The following VWA3B variants were observed in gnomAD, a reference collection of about 807,000 sequenced individuals.
The protein encoded by VWA3B is von Willebrand factor A domain-containing protein 3B.
VWA3B carries 138 observed loss-of-function variants against 158.3 expected under a neutral mutation model. The ratio of observed to expected loss-of-function variants is 0.87; its 90% CI spans 0.76 to 1.00. The LOEUF (loss-of-function observed/expected upper bound fraction) is 1.00. VWA3B is among the 50% of genes least tolerant of loss of function. The pLI is 0.00. For synonymous variants in VWA3B, 596 were observed against 587.3 expected, an observed-to-expected ratio of 1.01 and a Z score of -0.21; for missense variants, 1,555 against 1,565.1, an observed-to-expected ratio of 0.99 and a Z score of 0.11.
intron 8 of VWA3B, among the ~76,000 whole-genome samples, chr2:98,167,685 G>T (rs979026844): frequency 2.0e-5 from 3 of 152,194 alleles, no homozygotes; most frequent in Non-Finnish European, 4.4e-5. Context: ...TCCCCCTCAA[G>T]AATTCATTTG....
At chr2:98,129,768 A>G (rs1267260675) in intron 6 of VWA3B, among the ~76,000 whole-genome samples, 2 of 152,198 alleles carry the variant, frequency 1.3e-5, no homozygotes, top group African/African-American at 2.4e-5. Context: ...TGTGGTTACA[A>G]GGAGAATTAT....
intron 7 of VWA3B, among the ~76,000 whole-genome samples, chr2:98,153,475 CTG>C (rs1461154481): frequency 6.6e-6 from 1 of 152,114 alleles, no homozygotes; most frequent in East Asian, 1.9e-4. Context: ...TATTATGAAA[CTG>C]AGTTTTATTT....
At chr2:98,300,686 G>T (rs1318579401) in intron 25 of VWA3B, among the ~76,000 whole-genome samples, 1 of 151,812 alleles carries the variant, frequency 6.6e-6, no homozygotes, top group Admixed American at 6.6e-5. Context: ...TCCATCTCTG[G>T]ACACCTCCTC....
intron 12 of VWA3B, among the ~76,000 whole-genome samples, chr2:98,196,493 G>A (rs1682053711): frequency 6.6e-6 from 1 of 152,132 alleles, no homozygotes; most frequent in Non-Finnish European, 1.5e-5. Context: ...TAGCACTCAG[G>A]GTGGTCTGAG....
chr2:98,311,269 A>T (rs1006382413), intron 26 of VWA3B, among the ~76,000 whole-genome samples: 1 of 152,220 alleles, frequency 6.6e-6, no homozygotes, highest in African/African-American at 2.4e-5. Context: ...CTGGGTAAAT[A>T]AGCTTTGTCA....
In VWA3B at chr2:98,312,263, A is replaced by C; in HGVS notation, c.3799A>C (p.Thr1267Pro). 6.2e-7 allele frequency: 1 copy of C among 1,614,050 alleles called. No homozygotes were observed. The highest frequency in any genetic ancestry group is 8.5e-7 in the Non-Finnish European group (1 of 1,179,994). The stretch of plus-strand genomic sequence containing the variant: ...ACTCAGCAGCCACGCCATCATTGCC[A>C]CACCTCCACCTCGAGCAGCCCTGCC... ...LGLSSHAIIATPPPRAALPCT... is the reference protein window; with the variant it reads ...LGLSSHAIIAPPPPRAALPCT... The change falls in exon 28 of 28, where the codon ACA becomes CCA. Residue 1267 changes from threonine to proline, a missense_variant. Coordinates refer to ENST00000477737, the MANE Select transcript of VWA3B (RefSeq NM_144992.5).
At chr2:98,320,268 G>C in the VWA3B span, among the ~76,000 whole-genome samples, 3 of 152,124 alleles carry the variant, frequency 2.0e-5, no homozygotes, top group African/African-American at 7.2e-5. Context: ...TGATTGTGAG[G>C]CTTCCCCAGC....
At chr2:98,156,068 C>T (rs1260096939) in intron 7 of VWA3B, among the ~76,000 whole-genome samples, 1 of 152,190 alleles carries the variant, frequency 6.6e-6, no homozygotes, top group Non-Finnish European at 1.5e-5. Flanking sequence ...TCTGCACTGA[C>T]AAGCATTTCA....
At chr2:98,109,085 C>T (rs1337630091) in intron 2 of VWA3B, among the ~76,000 whole-genome samples, 5 of 151,628 alleles carry the variant, frequency 3.3e-5, no homozygotes, top group East Asian at 1.9e-4. Flanking sequence ...CTCTGCCTCC[C>T]GGGTTCAAGC....
chr2:98,242,255 A>C, intron 19 of VWA3B: 1 of 456,222 alleles, frequency 2.2e-6, no homozygotes, highest in South Asian at 1.5e-5. Context: ...TTTGGTTTTC[A>C]GTGTTTCCCG....
intron 14 of VWA3B, among the ~76,000 whole-genome samples, chr2:98,218,922 A>G (rs573620556): frequency 1.3e-5 from 2 of 152,312 alleles, no homozygotes; most frequent in Non-Finnish European, 2.9e-5. Context: ...GGCACTGGGT[A>G]AAGTACACAG....
chr2:98,224,420 G>C (rs781105409), intron 14 of VWA3B, among the ~76,000 whole-genome samples: 1 of 152,120 alleles, frequency 6.6e-6, no homozygotes, highest in African/African-American at 2.4e-5. Context: ...AAGGTAAAGG[G>C]ACCTGAATGG....
chr2:98,270,510 G>C (rs1458247635), intron 21 of VWA3B, among the ~76,000 whole-genome samples, 172 bp from the exon 22 acceptor site: 1 of 152,232 alleles, frequency 6.6e-6, no homozygotes. Context: ...AGTCCTGATA[G>C]AGCAGAGGGC....
At chr2:98,234,841 G>T (rs1379525327) in intron 17 of VWA3B, 74 bp downstream of exon 17, 47 of 1,588,680 alleles carry the variant, frequency 3.0e-5, no homozygotes, top group Non-Finnish European at 8.6e-7. Context: ...AGAGCTGCGT[G>T]TAGATATGTT....
intron 25 of VWA3B, among the ~76,000 whole-genome samples, chr2:98,301,059 G>A (rs1690151692): frequency 6.6e-6 from 1 of 152,278 alleles, no homozygotes; most frequent in South Asian, 2.1e-4. Flanking sequence ...GGGAGGCTGA[G>A]GTGGACAGAT....
At chr2:98,319,908 ACT>A in the VWA3B span, among the ~76,000 whole-genome samples, 59 of 136,290 alleles carry the variant, frequency 4.3e-4, no homozygotes, top group African/African-American at 1.3e-3. Flanking sequence ...ACACACACAC[ACT>A]CACACAACAA....
intron 13 of VWA3B, among the ~76,000 whole-genome samples, chr2:98,214,330 C>A (rs1289083170): frequency 6.6e-6 from 1 of 151,786 alleles, no homozygotes; most frequent in East Asian, 1.9e-4. Flanking sequence ...ATCAAAAATT[C>A]TTCAGGAGCA....
At chr2:98,149,482 A>T (rs559746869) in intron 7 of VWA3B, among the ~76,000 whole-genome samples, 26 of 152,330 alleles carry the variant, frequency 1.7e-4, no homozygotes, top group Admixed American at 2.0e-4. Context: ...CCCCATGCAA[A>T]TGAAGTAGTG....
At chr2:98,302,882 A>G (rs62155305) in intron 25 of VWA3B, among the ~76,000 whole-genome samples, 5,927 of 152,326 alleles carry the variant, frequency 0.039, 167 homozygotes, top group Middle Eastern at 0.075. Flanking sequence ...GAGAAAGACC[A>G]TCAGAGCCAG....
Sources: gnomAD v4.1 joint callset for allele counts (sites outside exome capture counted in the v4.1 genomes callset) on GRCh38, gnomAD v4.1.1 for gene constraint, MANE v1.5 for transcripts, NCBI Gene and HGNC (gene_info 2026-07-23, HGNC 2026-07-21) for gene names.